Variants in FRMD4A observed in about 807,000 individuals in gnomAD.
FRMD4A encodes the protein FERM domain-containing protein 4A.
A neutral mutation model predicts 129.1 loss-of-function variants in FRMD4A; 29 were observed. The ratio of observed to expected loss-of-function variants is 0.22; its 90% CI spans 0.17 to 0.31. The LOEUF (loss-of-function observed/expected upper bound fraction) is 0.31. FRMD4A is among the 10% of genes least tolerant of loss of function. The pLI is 1.00. For missense variants in FRMD4A, 1,272 were observed against 1,375.8 expected (o/e 0.92, Z 1.19); for synonymous variants, 634 against 571.6 (o/e 1.11, Z -1.56).
chr10:14,323,562 A>G (rs1014108662), intron 2 of FRMD4A, among the ~76,000 whole-genome samples: 4 of 132,972 alleles, frequency 3.0e-5, no homozygotes, highest in African/African-American at 1.2e-4. Flanking sequence ...TGCACAGACA[A>G]CTGTAATGGG....
chr10:13,795,861 C>T (rs984031902), intron 5 of FRMD4A, among the ~76,000 whole-genome samples: 5 of 152,166 alleles, frequency 3.3e-5, no homozygotes, highest in South Asian at 2.1e-4. Context: ...GTCCTGTTGT[C>T]TTCATAAGAC....
intron 2 of FRMD4A, among the ~76,000 whole-genome samples, chr10:13,897,936 C>CAAAAAA (rs36021849): frequency 1.4e-5 from 1 of 72,358 alleles, no homozygotes; most frequent in Non-Finnish European, 2.9e-5. Context: ...GACTCCGACT[C>CAAAAAA]AAAAAAAAAA....
rs139252993 is a variant in FRMD4A at position 13,645,765 on chromosome 10, C to T, written c.*1273G>A. The stretch of plus-strand genomic sequence containing the variant: ...GGAATAAGTGACACATAGGAGAAGT[C>T]GGATCTGAGCTCTTTTGTCACACAA... On this transcript the variant is annotated 3_prime_UTR_variant, in exon 25 of 25. Transcript: ENST00000357447. 5.0e-4 allele frequency: 77 copies of T among 152,660 alleles called. No homozygotes were observed. The South Asian group carries it at 0.012, about 24-fold the overall frequency. The allele number at this position is 152,660 out of a possible 1,614,324, so 9.5% of individuals were successfully genotyped here.
intron 2 of FRMD4A, among the ~76,000 whole-genome samples, chr10:13,937,043 C>G (rs979576065): frequency 3.9e-5 from 6 of 152,182 alleles, no homozygotes; most frequent in Non-Finnish European, 7.3e-5. Flanking sequence ...ACCAAAGGAG[C>G]CTTGAGTTCT....
At chr10:13,693,586 C>T (rs1290235580) in intron 15 of FRMD4A, 20 of 1,052,818 alleles carry the variant, frequency 1.9e-5, no homozygotes, top group Middle Eastern at 3.2e-4. Context: ...CTGACATTCC[C>T]GACAGCTTGC....
At chr10:14,157,421 G>C (rs538577316) in intron 2 of FRMD4A, among the ~76,000 whole-genome samples, 1 of 152,216 alleles carries the variant, frequency 6.6e-6, no homozygotes, top group Non-Finnish European at 1.5e-5. Context: ...GAGTGGAAGC[G>C]GAGTGGGATT....
At chr10:13,816,327 T>C (rs1431400277) in intron 3 of FRMD4A, among the ~76,000 whole-genome samples, 1 of 152,232 alleles carries the variant, frequency 6.6e-6, no homozygotes, top group East Asian at 1.9e-4. Flanking sequence ...GCTGTCATGG[T>C]GACTGGCAAC....
At chr10:14,188,881 G>A (rs1320194795) in intron 2 of FRMD4A, among the ~76,000 whole-genome samples, 1 of 152,152 alleles carries the variant, frequency 6.6e-6, no homozygotes. Context: ...CCTCCAGTCT[G>A]GGCAACGGAG....
At chr10:14,095,343 C>T (rs978592972) in intron 2 of FRMD4A, among the ~76,000 whole-genome samples, 2 of 152,156 alleles carry the variant, frequency 1.3e-5, no homozygotes, top group Non-Finnish European at 2.9e-5. Context: ...TTCCTGCTAG[C>T]CATCACTTTC....
intron 3 of FRMD4A, among the ~76,000 whole-genome samples, chr10:13,813,314 G>A (rs916947669): frequency 1.3e-4 from 20 of 152,214 alleles, no homozygotes; most frequent in South Asian, 4.1e-4. Context: ...GCGTGGTGGC[G>A]TGTGCTTGTA....
chr10:13,684,553 G>T, intron 15 of FRMD4A: 4 of 985,568 alleles, frequency 4.1e-6, no homozygotes, highest in Non-Finnish European at 4.8e-6. Context: ...CAGACACATG[G>T]AAGGACAGCC....
intron 2 of FRMD4A, among the ~76,000 whole-genome samples, chr10:14,245,822 A>G (rs1237495491): frequency 6.6e-6 from 1 of 151,928 alleles, no homozygotes; most frequent in East Asian, 1.9e-4. Context: ...TTGTTGTTTA[A>G]CCCTCCCAGT....
intron 2 of FRMD4A, among the ~76,000 whole-genome samples, chr10:14,130,156 G>A (rs1232769457): frequency 6.6e-6 from 1 of 152,150 alleles, no homozygotes; most frequent in Non-Finnish European, 1.5e-5. Flanking sequence ...TCTTCTCTTT[G>A]CTTTAGCCAG....
chr10:14,324,398 C>A (rs1236397899), intron 2 of FRMD4A, among the ~76,000 whole-genome samples: 2 of 152,138 alleles, frequency 1.3e-5, no homozygotes, highest in East Asian at 1.9e-4. Context: ...GACTTTTTGA[C>A]AATTATCTTA....
chr10:13,726,903 C>CT (rs543467514), intron 12 of FRMD4A, among the ~76,000 whole-genome samples: 33 of 149,120 alleles, frequency 2.2e-4, no homozygotes, highest in Admixed American at 6.7e-4. Flanking sequence ...CGTTAGTTTG[C>CT]TTTTTTTTCT....
rs938247552 is a variant in FRMD4A, at chr10:14,005,760, C to A, written c.46-146848G>T. On this transcript the variant is annotated intron_variant, in intron 2 of 24. Transcript: ENST00000357447. ...TCCCTGGATTTAGGTCCTGCTCTGTCATTGACTGTATATTCCCATAAAGAA... is the reference window on the plus strand; with the variant it reads ...TCCCTGGATTTAGGTCCTGCTCTGTAATTGACTGTATATTCCCATAAAGAA... Among the ~76,000 whole-genome samples the A allele has an allele frequency of 2.0e-5, 3 of 152,210 alleles. No individual in the cohort carries two copies. The East Asian group carries it at 5.8e-4, about 29-fold the overall frequency.
At chr10:13,751,846 T>TTAAAAA (rs1185144814) in intron 8 of FRMD4A, among the ~76,000 whole-genome samples, 1 of 151,810 alleles carries the variant, frequency 6.6e-6, no homozygotes, top group Non-Finnish European at 1.5e-5. Flanking sequence ...CTCCATCTCT[T>TTAAAAA]TAAAAATAAA....
intron 2 of FRMD4A, among the ~76,000 whole-genome samples, chr10:14,078,080 G>A (rs1349899268): frequency 6.6e-6 from 1 of 152,180 alleles, no homozygotes; most frequent in Non-Finnish European, 1.5e-5. Flanking sequence ...TAATGACCCT[G>A]TTATTAGATT....
chr10:14,222,890 C>A (rs776309631), intron 2 of FRMD4A, among the ~76,000 whole-genome samples: 9 of 152,134 alleles, frequency 5.9e-5, no homozygotes, highest in Non-Finnish European at 1.2e-4. Context: ...GAGTTCCAGA[C>A]CAGCCTAGCC....
Sources: gnomAD v4.1 joint callset for allele counts (sites outside exome capture counted in the v4.1 genomes callset) on GRCh38, gnomAD v4.1.1 for gene constraint, MANE v1.5 for transcripts, NCBI Gene and HGNC (gene_info 2026-07-23, HGNC 2026-07-21) for gene names.